The following ROBO1 variants were observed in gnomAD, a reference collection of about 807,000 sequenced individuals.
ROBO1 encodes the protein roundabout guidance receptor 1.
A neutral mutation model predicts 195.9 loss-of-function variants in ROBO1; 149 were observed. The ratio of observed to expected loss-of-function variants is 0.76; its 90% confidence interval spans 0.67 to 0.87. The LOEUF (loss-of-function observed/expected upper bound fraction) is 0.87, where lower values mean the gene tolerates loss of function less well. Ranked by LOEUF, ROBO1 falls within the 40% of genes least tolerant of loss-of-function variation. ROBO1 has a pLI of 0.00. For missense variants in ROBO1, 1,933 were observed against 2,068.3 expected, an observed-to-expected ratio of 0.93 and a Z score of 1.27; for synonymous variants, 816 against 733.2, an observed-to-expected ratio of 1.11 and a Z score of -1.82.
chr3:78,691,667 A>G (rs1326741725), intron 8 of ROBO1, among the ~76,000 whole-genome samples: 2 of 152,194 alleles, frequency 1.3e-5, no homozygotes, highest in Non-Finnish European at 2.9e-5. Flanking sequence ...GTATAGCTAA[A>G]CCATGCTCAG....
intron 4 of ROBO1, among the ~76,000 whole-genome samples, chr3:78,748,713 C>T (rs919016952): frequency 2.0e-5 from 3 of 151,876 alleles, no homozygotes; most frequent in African/African-American, 7.3e-5. Flanking sequence ...TGTATCCATT[C>T]GAGTAAGTTA....
At chr3:78,685,385 A>G (rs1300040706) in intron 10 of ROBO1, among the ~76,000 whole-genome samples, 1 of 152,184 alleles carries the variant, frequency 6.6e-6, no homozygotes, top group Non-Finnish European at 1.5e-5. Context: ...TAGGACCTAA[A>G]GATTTATCTT....
chr3:78,831,751 G>C (rs1385373024), intron 4 of ROBO1, among the ~76,000 whole-genome samples: 1 of 152,220 alleles, frequency 6.6e-6, no homozygotes, highest in African/African-American at 2.4e-5. Flanking sequence ...AGGCTGGGGA[G>C]GCCTCACAAT....
intron 4 of ROBO1, among the ~76,000 whole-genome samples, chr3:78,753,485 G>A (rs575838070): frequency 6.6e-6 from 1 of 152,138 alleles, no homozygotes; most frequent in Admixed American, 6.6e-5. Context: ...TTTGTAATGT[G>A]TTCTAGAGAA....
rs113989877 is a variant in ROBO1, at chr3:78,945,341, C to G, written c.173-6414G>C. ...CAAAACTTCCAGAGGAACAATCAGA[C>G]AGCAGCATTTGCAGTTCACCAATAT... On this transcript the variant is annotated intron_variant, in intron 3 of 30. Coordinates refer to ENST00000464233, the MANE Select transcript of ROBO1 (RefSeq NM_002941.4). 7.5e-3 allele frequency among the ~76,000 whole-genome samples: 1,138 copies of G among 152,234 alleles called. 13 individuals are homozygous for G. The highest frequency in any genetic ancestry group is 0.026 in the African/African-American group (1,097 of 41,542).
At chr3:78,934,026 A>G (rs2107660860) in intron 4 of ROBO1, among the ~76,000 whole-genome samples, 1 of 152,172 alleles carries the variant, frequency 6.6e-6, no homozygotes, top group East Asian at 1.9e-4. Flanking sequence ...TAGCAAATGT[A>G]TCTTCAAATT....
intron 4 of ROBO1, among the ~76,000 whole-genome samples, chr3:78,757,963 T>C (rs1443060509): frequency 1.3e-5 from 2 of 152,162 alleles, no homozygotes; most frequent in Admixed American, 6.5e-5. Context: ...CTAACAGGGC[T>C]CTGAATCTCC....
chr3:78,943,380 T>G (rs760631494), intron 3 of ROBO1, among the ~76,000 whole-genome samples: 3 of 152,144 alleles, frequency 2.0e-5, no homozygotes, highest in Admixed American at 6.5e-5. Flanking sequence ...CAGTCCCCTA[T>G]AGCGAAACCA....
intron 2 of ROBO1, among the ~76,000 whole-genome samples, chr3:79,177,273 T>C (rs922013643): frequency 5.3e-5 from 8 of 152,190 alleles, no homozygotes; most frequent in African/African-American, 1.9e-4. Flanking sequence ...CACTATGAAA[T>C]TGTTGAACTT....
chr3:78,630,928 C>A (rs1206755284), intron 25 of ROBO1, among the ~76,000 whole-genome samples: 1 of 152,124 alleles, frequency 6.6e-6, no homozygotes, highest in Non-Finnish European at 1.5e-5. Flanking sequence ...TAATATGTAT[C>A]ATTTTTATAT....
intron 3 of ROBO1, among the ~76,000 whole-genome samples, chr3:79,095,728 G>T (rs933189338): frequency 6.6e-6 from 1 of 151,890 alleles, no homozygotes; most frequent in African/African-American, 2.4e-5. Context: ...TACAAGATGA[G>T]TTCTCTCTCT....
chr3:79,333,774 G>A (rs1335118496), intron 2 of ROBO1, among the ~76,000 whole-genome samples: 1 of 152,110 alleles, frequency 6.6e-6, no homozygotes, highest in East Asian at 1.9e-4. Flanking sequence ...TTGAATTTTA[G>A]CTTTATTACT....
At chr3:78,954,551 G>A (rs17016641) in intron 3 of ROBO1, among the ~76,000 whole-genome samples, 6 of 151,894 alleles carry the variant, frequency 4.0e-5, no homozygotes, top group Admixed American at 1.3e-4. Context: ...CCAATCAGAC[G>A]TTTGAAATGT....
chr3:79,474,380 T>C (rs930547484), intron 2 of ROBO1, among the ~76,000 whole-genome samples: 1 of 152,190 alleles, frequency 6.6e-6, no homozygotes, highest in African/African-American at 2.4e-5. Context: ...GTTTTCACTT[T>C]TATTTTTTCT....
intron 3 of ROBO1, among the ~76,000 whole-genome samples, chr3:79,011,230 A>C (rs919328709): frequency 2.0e-5 from 3 of 152,174 alleles, no homozygotes; most frequent in African/African-American, 7.2e-5. Context: ...CTTCCTTTTC[A>C]ATAAAGCCTA....
chr3:78,804,732 CAAAAAAAAAA>C (rs10576248), intron 4 of ROBO1, among the ~76,000 whole-genome samples: 9 of 93,182 alleles, frequency 9.7e-5, no homozygotes, highest in South Asian at 7.6e-4. Flanking sequence ...GGAGCAAAGG[CAAAAAAAAAA>C]AAAAAAAAAA....
At chr3:79,748,716 C>T (rs771440326) in intron 1 of ROBO1, among the ~76,000 whole-genome samples, 1 of 152,092 alleles carries the variant, frequency 6.6e-6, no homozygotes, top group Admixed American at 6.6e-5. Context: ...GAATAAGTCT[C>T]ACATGCTCGG....
At chr3:79,232,434 C>A (rs2082336958) in intron 2 of ROBO1, among the ~76,000 whole-genome samples, 1 of 149,816 alleles carries the variant, frequency 6.7e-6, no homozygotes, top group Non-Finnish European at 1.5e-5. Flanking sequence ...GATATTCTTA[C>A]AGAGAAGAAA....
intron 2 of ROBO1, among the ~76,000 whole-genome samples, chr3:79,510,237 G>A (rs973835443): frequency 1.1e-4 from 17 of 152,114 alleles, no homozygotes; most frequent in African/African-American, 3.1e-4. Context: ...GGTGCTCACC[G>A]TCCTGCTGTT....
Sources: gnomAD v4.1 joint callset for allele counts (sites outside exome capture counted in the v4.1 genomes callset) on GRCh38, gnomAD v4.1.1 for gene constraint, MANE v1.5 for transcripts, NCBI Gene and HGNC (gene_info 2026-07-23, HGNC 2026-07-21) for gene names.